Variants in LRRK1 observed in about 807,000 individuals in gnomAD.
The protein encoded by LRRK1 is leucine-rich repeat serine/threonine-protein kinase 1.
In LRRK1, 113 loss-of-function variants were observed where a neutral mutation model predicts 209.1. That is an observed-to-expected ratio of 0.54 (90% confidence interval 0.46 to 0.63). The LOEUF is 0.63. Ranked by LOEUF, LRRK1 falls within the 30% of genes least tolerant of loss-of-function variation. The pLI, the probability that LRRK1 is intolerant of heterozygous loss-of-function variation, is 0.00. For missense variants in LRRK1, 2,284 were observed against 2,632.2 expected (o/e 0.87, Z 2.89); for synonymous variants, 1,144 against 1,099.7 (o/e 1.04, Z -0.80).
At chr15:100,951,961 A>T (rs143305941) in intron 2 of LRRK1, among the ~76,000 whole-genome samples, 7,137 of 134,672 alleles carry the variant, frequency 0.053, 263 homozygotes, top group African/African-American at 0.1. Context: ...CTCAGAAAAA[A>T]AAAAATAATA....
At chr15:100,970,955 A>G (rs529931219) in intron 2 of LRRK1, among the ~76,000 whole-genome samples, 2 of 151,994 alleles carry the variant, frequency 1.3e-5, no homozygotes, top group East Asian at 1.9e-4. Flanking sequence ...TATTTTTTCA[A>G]TTTTTCAATG....
At chr15:101,014,168 G>A in intron 10 of LRRK1, 148 bp from the exon 11 acceptor site, 1 of 638,282 alleles carries the variant, frequency 1.6e-6, no homozygotes, top group Admixed American at 2.6e-5. Context: ...GAGGCTGCTG[G>A]GCCCCACACA....
chr15:100,996,246 C>G (rs1414030575), intron 6 of LRRK1, among the ~76,000 whole-genome samples: 1 of 152,244 alleles, frequency 6.6e-6, no homozygotes, highest in South Asian at 2.1e-4. Context: ...ACATCACCAC[C>G]GCCCTGGCGC....
At chr15:101,015,510 G>C (rs1172310841) in intron 12 of LRRK1, 108 bp downstream of exon 12, 3 of 745,828 alleles carry the variant, frequency 4.0e-6, no homozygotes, top group Non-Finnish European at 6.8e-6. Context: ...CCCCTTCAAT[G>C]CCCTGTTGCA....
chr15:100,959,201 A>C (rs1261356741), intron 2 of LRRK1, among the ~76,000 whole-genome samples: 1 of 152,096 alleles, frequency 6.6e-6, no homozygotes, highest in Non-Finnish European at 1.5e-5. Context: ...AGATGGGCAA[A>C]ATTATAGACG....
At chr15:101,058,852 A>G (rs2924847) in intron 29 of LRRK1, among the ~76,000 whole-genome samples, 146,053 of 152,060 alleles carry the variant, frequency 0.96, 70,401 homozygotes, top group Non-Finnish European at 1. Context: ...GGCGGTGGCC[A>G]GACAAGACGT....
intron 2 of LRRK1, among the ~76,000 whole-genome samples, chr15:100,944,334 A>C (rs541166702): frequency 6.6e-6 from 1 of 152,168 alleles, no homozygotes; most frequent in Non-Finnish European, 1.5e-5. Context: ...ATGCACCAAA[A>C]ACCCAGCTGC....
chr15:100,936,271 C>G (rs1369258454), intron 2 of LRRK1, among the ~76,000 whole-genome samples: 1 of 152,222 alleles, frequency 6.6e-6, no homozygotes, highest in African/African-American at 2.4e-5. Flanking sequence ...TCTCCCTGAT[C>G]ACTGCTCTCC....
Position 101,053,291 on chromosome 15 carries a change from A to G in LRRK1, c.3925A>G (p.Ser1309Gly), listed in dbSNP as rs1389600474. ...KNFSEFRQEA[S>G]MLHALQHPCI... ...CTTCTCCGAGTTCCGGCAGGAGGCC[A>G]GCATGCTGCACGCGCTGCAGCACCC... Residue 1309 changes from serine to glycine, a missense_variant, in exon 26 of 34, where the codon AGC (serine) becomes GGC (glycine). Coordinates refer to ENST00000388948, the MANE Select transcript of LRRK1 (RefSeq NM_024652.6). 6.2e-7 allele frequency: 1 copy of G among 1,606,500 alleles called. No homozygotes were observed. Among genetic ancestry groups the G allele is most frequent in the Non-Finnish European group, 8.5e-7 (1 of 1,179,950 alleles).
rs375878067 is a variant in LRRK1, at chr15:100,970,931, A to G, written c.98-2873A>G. Reference sequence around the variant, plus strand: ...CATTTTTTTCTAAGAATGTAATTTTATACTATCATAAACTATTTTTTCAAT... The same window carrying G: ...CATTTTTTTCTAAGAATGTAATTTTGTACTATCATAAACTATTTTTTCAAT... On this transcript the variant is annotated intron_variant, in intron 2 of 33. Coordinates refer to ENST00000388948, the MANE Select transcript of LRRK1 (RefSeq NM_024652.6). Among the ~76,000 whole-genome samples the G allele has an allele frequency of 1.6e-4, 24 of 152,282 alleles. 2 individuals are homozygous for G. Among genetic ancestry groups the G allele is most frequent in the Admixed American group, 7.8e-4 (12 of 15,304 alleles).
chr15:101,062,677 C>T lies in LRRK1; in HGVS notation c.4901C>T (p.Pro1634Leu), dbSNP rs1567285333. ...GTCGTCACCTGCTTCTTGGCCGTGC[C>T]TGTTATTAAAAAGGTGAGGTCGGGG... is the stretch of plus-strand genomic sequence containing the variant. ...PAVVTCFLAV[P>L]VIKKNSYLVL... Residue 1634 changes from proline (P) to leucine (L), a missense_variant, in exon 31 of 34, where the codon CCT (proline) becomes CTT (leucine). Pro to Leu is a moderately conservative substitution (Grantham distance 98). Transcript: ENST00000388948. 2 of 1,613,458 alleles carry T rather than the reference C, an allele frequency of 1.2e-6. No individual in the cohort carries two copies. The highest frequency in any genetic ancestry group is 1.3e-5 in the African/African-American group (1 of 75,056).
At position 101,025,985 on chromosome 15, in the gene LRRK1, G is replaced by A. The variant is rs55707671; in HGVS notation, c.2253G>A (p.Val751=). 300 of 1,614,230 alleles carry A rather than the reference G, an allele frequency of 1.9e-4. 3 individuals are homozygous for A. In the African/African-American group the frequency reaches 3.1e-3, roughly 17 times the overall value. Residue 751 remains valine, a synonymous_variant, in exon 17 of 34, where the codon GTG becomes GTA. Transcript: ENST00000388948. ...LNIEAKAPNA[V]VLVVGTHLDL... is the part of the protein sequence containing the mutation. ...TGCAGGCCAAGGCCCCAAACGCCGT[G>A]GTGCTGGTGGTCGGGACGCACCTGG...
intron 24 of LRRK1, 137 bp from the exon 25 acceptor site, chr15:101,052,785 C>A: frequency 9.8e-7 from 1 of 1,023,658 alleles, no homozygotes; most frequent in Non-Finnish European, 1.4e-6. Context: ...AGTGGCAGGG[C>A]CGGGGTGGCC....
intron 2 of LRRK1, among the ~76,000 whole-genome samples, chr15:100,954,226 T>G (rs1233981298): frequency 6.6e-6 from 1 of 152,184 alleles, no homozygotes; most frequent in Non-Finnish European, 1.5e-5. Flanking sequence ...ACTCATGTTT[T>G]TAATTTCCAT....
chr15:101,012,687 C>T (rs1310568200), intron 10 of LRRK1, among the ~76,000 whole-genome samples: 1 of 152,164 alleles, frequency 6.6e-6, no homozygotes, highest in Non-Finnish European at 1.5e-5. Flanking sequence ...CCTGCCAGGC[C>T]ACTGCCAGGA....
At chr15:100,952,919 G>A (rs12905609) in intron 2 of LRRK1, among the ~76,000 whole-genome samples, 133,455 of 152,036 alleles carry the variant, frequency 0.88, 58,767 homozygotes, top group East Asian at 0.98. Flanking sequence ...ATTAACTCTA[G>A]GGCCACTCAT....
intron 6 of LRRK1, among the ~76,000 whole-genome samples, chr15:101,007,066 A>G (rs2032993255): frequency 6.6e-6 from 1 of 152,082 alleles, no homozygotes; most frequent in Admixed American, 6.6e-5. Context: ...GACCGGACGG[A>G]GTGTTGAGGG....
intron 20 of LRRK1, among the ~76,000 whole-genome samples, chr15:101,045,535 G>A (rs2035023799): frequency 6.6e-6 from 1 of 152,162 alleles, no homozygotes; most frequent in Non-Finnish European, 1.5e-5. Flanking sequence ...AGCTTTAAAG[G>A]CCAAAAATGT....
intron 33 of LRRK1, among the ~76,000 whole-genome samples, chr15:101,068,173 A>T (rs1410144477): frequency 6.6e-6 from 1 of 152,214 alleles, no homozygotes; most frequent in African/African-American, 2.4e-5. Flanking sequence ...AGTTTCAAAA[A>T]ATGTATATAG....
Sources: gnomAD v4.1 joint callset for allele counts (sites outside exome capture counted in the v4.1 genomes callset) on GRCh38, gnomAD v4.1.1 for gene constraint, MANE v1.5 for transcripts, NCBI Gene and HGNC (gene_info 2026-07-23, HGNC 2026-07-21) for gene names.